Variants in ABHD18 observed in about 807,000 individuals in gnomAD.
The protein encoded by ABHD18 is cardiolipin-specific deacylase, mitochondrial.
ABHD18 carries 55 observed loss-of-function variants against 65.9 expected under a neutral mutation model. The ratio of observed to expected loss-of-function variants is 0.84; its 90% CI spans 0.67 to 1.05. The LOEUF is 1.05. Among genes scored for constraint, ABHD18 ranks in the 50% least tolerant of loss-of-function variants. The pLI, the probability that ABHD18 is intolerant of heterozygous loss-of-function variation, is 0.00. For missense variants in ABHD18, 533 were observed against 558.5 expected, an observed-to-expected ratio of 0.95 and a Z score of 0.46; for synonymous variants, 181 against 180.2, an observed-to-expected ratio of 1.00 and a Z score of -0.04.
chr4:128,027,327 TA>T (rs565235879), intron 10 of ABHD18, among the ~76,000 whole-genome samples: 3 of 152,318 alleles, frequency 2.0e-5, no homozygotes, highest in Non-Finnish European at 2.9e-5. Context: ...AAGCAACACA[TA>T]AGTGTATTTA....
intron 8 of ABHD18, 145 bp from the exon 9 acceptor site, chr4:128,019,935 G>A (rs1756190804): frequency 8.1e-6 from 4 of 491,740 alleles, no homozygotes; most frequent in African/African-American, 1.9e-5. Context: ...AATTTAATGA[G>A]GTGGCTAGAC....
At chr4:128,027,487 C>G (rs1757549454) in intron 10 of ABHD18, among the ~76,000 whole-genome samples, 1 of 151,944 alleles carries the variant, frequency 6.6e-6, no homozygotes, top group Non-Finnish European at 1.5e-5. Context: ...GTCACTGCAA[C>G]CACTGCCTCC....
At chr4:127,984,125 A>G (rs1416867722) in intron 2 of ABHD18, among the ~76,000 whole-genome samples, 5 of 152,196 alleles carry the variant, frequency 3.3e-5, no homozygotes, top group Admixed American at 6.5e-5. Context: ...TACTTTCTGA[A>G]CAATCTATTG....
At chr4:128,035,006 A>C (rs1224784026) in intron 12 of ABHD18, among the ~76,000 whole-genome samples, 1 of 152,172 alleles carries the variant, frequency 6.6e-6, no homozygotes, top group Non-Finnish European at 1.5e-5. Flanking sequence ...TAATGTGAGA[A>C]ACCAAGGCTT....
intron 7 of ABHD18, among the ~76,000 whole-genome samples, chr4:128,016,352 T>C (rs1479933195): frequency 1.3e-5 from 2 of 152,202 alleles, no homozygotes; most frequent in Admixed American, 1.3e-4. Context: ...TATAAAAATG[T>C]ATTTGTTTTA....
At chr4:127,983,592 G>A (rs953697079) in intron 2 of ABHD18, among the ~76,000 whole-genome samples, 4 of 152,056 alleles carry the variant, frequency 2.6e-5, no homozygotes, top group East Asian at 3.9e-4. Context: ...TTGGCTGGGC[G>A]CGGTGGCTCA....
At chr4:128,032,822 G>C (rs1164600268) in intron 12 of ABHD18, among the ~76,000 whole-genome samples, 1 of 152,140 alleles carries the variant, frequency 6.6e-6, no homozygotes. Flanking sequence ...GTGAATAAGA[G>C]ACTATTCACA....
chr4:128,007,378 A>G (rs1231421957), intron 4 of ABHD18, among the ~76,000 whole-genome samples: 1 of 151,876 alleles, frequency 6.6e-6, no homozygotes, highest in Non-Finnish European at 1.5e-5. Flanking sequence ...CCAGAGTAAA[A>G]CAAAGAGAAG....
chr4:128,020,430 A>G (rs1404148462), intron 9 of ABHD18, among the ~76,000 whole-genome samples: 1 of 152,230 alleles, frequency 6.6e-6, no homozygotes, highest in Non-Finnish European at 1.5e-5. Context: ...GTTACAGTTC[A>G]TGCTTAATTC....
rs1280848568 is a variant in ABHD18, at chr4:128,037,984, CTG to C, written c.*2175_*2176del. The C allele has an allele frequency of 1.3e-5, 2 of 152,108 alleles. No individual in the cohort carries two copies. The highest frequency in any genetic ancestry group is 4.8e-5 in the African/African-American group (2 of 41,434). The allele number at this position is 152,108 out of a possible 1,614,324, so 9.4% of individuals were successfully genotyped here. A position where few individuals can be genotyped will look rare whatever the true frequency, so the allele number is the denominator to read the frequency against. ...GGTATTTTTGAGTTTTGTTTGAAAT[CTG>C]TGTTGTCTGTGAATTATTTTTAAAT... On this transcript the variant is annotated 3_prime_UTR_variant, in exon 13 of 13. Coordinates refer to ENST00000645843, the MANE Select transcript of ABHD18 (RefSeq NM_001358451.3).
At chr4:127,967,716 AAAAAAG>A (rs1487448780) in intron 1 of ABHD18, among the ~76,000 whole-genome samples, 6 of 152,012 alleles carry the variant, frequency 3.9e-5, no homozygotes, top group Admixed American at 1.3e-4. Context: ...AGGAAAAAAA[AAAAAAG>A]AAAATGTCTC....
chr4:127,983,603 C>T (rs1368617191), intron 2 of ABHD18, among the ~76,000 whole-genome samples: 1 of 152,120 alleles, frequency 6.6e-6, no homozygotes. Context: ...CGGTGGCTCA[C>T]GTCTGTAATC....
intron 4 of ABHD18, among the ~76,000 whole-genome samples, chr4:128,001,931 G>A (rs1395329162): frequency 6.7e-6 from 1 of 149,566 alleles, no homozygotes; most frequent in Non-Finnish European, 1.5e-5. Flanking sequence ...TATTATTTTT[G>A]CAATTTTTTT....
At chr4:127,991,569 A>G (rs1750930981) in intron 4 of ABHD18, among the ~76,000 whole-genome samples, 1 of 152,008 alleles carries the variant, frequency 6.6e-6, no homozygotes, top group African/African-American at 2.4e-5. Flanking sequence ...TCAGTGTTGA[A>G]CCTAGATCTT....
intron 1 of ABHD18, among the ~76,000 whole-genome samples, chr4:127,979,520 A>G (rs1051682857): frequency 2.6e-5 from 4 of 152,184 alleles, no homozygotes; most frequent in Admixed American, 6.5e-5. Context: ...GCGCCACTGC[A>G]CTCTAGCGTG....
intron 7 of ABHD18, among the ~76,000 whole-genome samples, chr4:128,016,895 A>G (rs1275849344): frequency 1.3e-5 from 2 of 152,132 alleles, no homozygotes; most frequent in African/African-American, 2.4e-5. Flanking sequence ...ATGTAATCCA[A>G]TGTTAGCAGC....
intron 12 of ABHD18, among the ~76,000 whole-genome samples, chr4:128,032,274 T>C (rs757473335): frequency 2.0e-5 from 3 of 152,206 alleles, no homozygotes; most frequent in Non-Finnish European, 2.9e-5. Flanking sequence ...GTGGAGTCAC[T>C]ACTAAGCTAT....
At chr4:127,975,401 A>G (rs1278913233) in intron 1 of ABHD18, among the ~76,000 whole-genome samples, 1 of 152,158 alleles carries the variant, frequency 6.6e-6, no homozygotes, top group East Asian at 1.9e-4. Context: ...GAATCATACA[A>G]TATTTGTCTT....
At chr4:127,998,654 G>A (rs1014145968) in intron 4 of ABHD18, among the ~76,000 whole-genome samples, 6 of 151,736 alleles carry the variant, frequency 4.0e-5, no homozygotes, top group South Asian at 2.1e-4. Flanking sequence ...CTATAGGTGT[G>A]CGCCATTGCA....
Sources: allele counts gnomAD v4.1 joint callset (sites outside exome capture counted in the v4.1 genomes callset), GRCh38; gene constraint gnomAD v4.1.1; transcripts MANE v1.5; gene names NCBI Gene and HGNC (gene_info 2026-07-23, HGNC 2026-07-21).